The following NXPE2 variants were observed in gnomAD, a reference collection of about 807,000 sequenced individuals.
NXPE2 encodes neurexophilin and PC-esterase domain family member 2.
A neutral mutation model predicts 34.4 loss-of-function variants in NXPE2; 34 were observed. The ratio of observed to expected loss-of-function variants is 0.99; its 90% CI spans 0.75 to 1.31. The LOEUF is 1.31. Ranked by LOEUF, NXPE2 falls within the 40% of genes most tolerant of loss-of-function variation. NXPE2 has a pLI of 0.00. For synonymous variants in NXPE2, 235 were observed against 231.3 expected, an observed-to-expected ratio of 1.02 and a Z score of -0.15; for missense variants, 649 against 672.5, an observed-to-expected ratio of 0.97 and a Z score of 0.39.
At chr11:114,530,866 T>G in the NXPE2 span, 13 of 1,613,540 alleles carry the variant, frequency 8.1e-6, no homozygotes, top group Non-Finnish European at 1.1e-5. Flanking sequence ...GCGGAGTTGT[T>G]CCAGTAATGG....
chr11:114,538,124 A>G, the NXPE2 span, among the ~76,000 whole-genome samples: 34,249 of 151,698 alleles, frequency 0.23, 5,430 homozygotes, highest in African/African-American at 0.44. Flanking sequence ...AAATAATGCC[A>G]CATATCTACA....
At chr11:114,525,530 G>A in the NXPE2 span, among the ~76,000 whole-genome samples, 1 of 152,000 alleles carries the variant, frequency 6.6e-6, no homozygotes, top group African/African-American at 2.4e-5. Context: ...CCAAAGCAAG[G>A]TTGGGAAAAA....
the NXPE2 span, among the ~76,000 whole-genome samples, chr11:114,466,469 G>C: frequency 6.6e-6 from 1 of 151,998 alleles, no homozygotes; most frequent in African/African-American, 2.4e-5. Context: ...AGCAGCACTG[G>C]ATAATATTTA....
chr11:114,748,680 A>G, the NXPE2 span, among the ~76,000 whole-genome samples: 1 of 152,180 alleles, frequency 6.6e-6, no homozygotes, highest in East Asian at 1.9e-4. Context: ...TTCTTGTCAC[A>G]TGCCATTAGA....
chr11:114,580,923 G>C, the NXPE2 span, among the ~76,000 whole-genome samples: 1 of 152,250 alleles, frequency 6.6e-6, no homozygotes, highest in African/African-American at 2.4e-5. Context: ...CACAGGTTGA[G>C]GTAGCCACAA....
At chr11:114,614,136 TAATAA>T in the NXPE2 span, among the ~76,000 whole-genome samples, 2 of 151,910 alleles carry the variant, frequency 1.3e-5, no homozygotes, top group Middle Eastern at 3.4e-3. Flanking sequence ...ACCTGCTGGA[TAATAA>T]GTGCTGCCTC....
the NXPE2 span, among the ~76,000 whole-genome samples, chr11:114,763,403 A>G: frequency 2.0e-5 from 3 of 152,218 alleles, no homozygotes; most frequent in African/African-American, 7.2e-5. Context: ...CCAAAAGCAA[A>G]ACAAAACACC....
chr11:114,728,588 G>A, the NXPE2 span, among the ~76,000 whole-genome samples: 225 of 152,090 alleles, frequency 1.5e-3, 1 homozygote, highest in Non-Finnish European at 1.5e-3. Flanking sequence ...AAAACCCTAT[G>A]TCTTCCTGCT....
intron 2 of NXPE2, among the ~76,000 whole-genome samples, chr11:114,691,166 A>G (rs1375986523): frequency 6.6e-6 from 1 of 152,100 alleles, no homozygotes; most frequent in Non-Finnish European, 1.5e-5. Context: ...GTATTGCCAG[A>G]GTTCTTACAC....
chr11:114,813,123 C>T, the NXPE2 span, among the ~76,000 whole-genome samples: 1 of 152,182 alleles, frequency 6.6e-6, no homozygotes, highest in Non-Finnish European at 1.5e-5. Context: ...CTGCACTCAT[C>T]ACAGGAAAAC....
chr11:114,497,067 G>A, the NXPE2 span, among the ~76,000 whole-genome samples: 2 of 152,238 alleles, frequency 1.3e-5, no homozygotes, highest in East Asian at 3.9e-4. Context: ...GGCAGGTCCT[G>A]CAGGAGGTAT....
the NXPE2 span, among the ~76,000 whole-genome samples, chr11:114,577,161 C>CATATATAT: frequency 3.4e-4 from 46 of 134,572 alleles, no homozygotes; most frequent in African/African-American, 9.6e-4. Context: ...ATATATGTGT[C>CATATATAT]ATATATATAT....
the NXPE2 span, among the ~76,000 whole-genome samples, chr11:114,600,369 A>T: frequency 6.6e-6 from 1 of 152,174 alleles, no homozygotes; most frequent in Non-Finnish European, 1.5e-5. Context: ...ATAGTTATAC[A>T]TGAAATGACC....
At chr11:114,697,541 TAG>T (rs1281542801) in intron 2 of NXPE2, among the ~76,000 whole-genome samples, 1 of 152,166 alleles carries the variant, frequency 6.6e-6, no homozygotes, top group Non-Finnish European at 1.5e-5. Context: ...ATGAAACTAA[TAG>T]AGTCAGCAAA....
At chr11:114,751,758 A>G in the NXPE2 span, among the ~76,000 whole-genome samples, 1 of 152,180 alleles carries the variant, frequency 6.6e-6, no homozygotes, top group Non-Finnish European at 1.5e-5. Flanking sequence ...ATCAGTGACC[A>G]AATCTTGGTC....
At chr11:114,531,313 C>G in the NXPE2 span, among the ~76,000 whole-genome samples, 1 of 152,092 alleles carries the variant, frequency 6.6e-6, no homozygotes, top group Admixed American at 6.6e-5. Flanking sequence ...ATATGCCTTA[C>G]ATCCAGTAAC....
At chr11:114,547,838 C>T in the NXPE2 span, among the ~76,000 whole-genome samples, 54 of 152,072 alleles carry the variant, frequency 3.6e-4, no homozygotes, top group Admixed American at 3.5e-3. Flanking sequence ...ATATGGACTT[C>T]AAATTGTAAG....
At chr11:114,675,256 A>G (rs1712816), upstream of NXPE2, among the ~76,000 whole-genome samples, 1 of 151,552 alleles carries the variant, frequency 6.6e-6, no homozygotes, top group African/African-American at 2.4e-5. Flanking sequence ...GAGGAATAAG[A>G]GGATACCCAC....
the NXPE2 span, among the ~76,000 whole-genome samples, chr11:114,774,780 T>C: frequency 6.6e-6 from 1 of 152,244 alleles, no homozygotes; most frequent in Admixed American, 6.5e-5. Context: ...CTGCAAGGCG[T>C]GGAGAGAAGC....
Sources: gnomAD v4.1 joint callset for allele counts (sites outside exome capture counted in the v4.1 genomes callset) on GRCh38, gnomAD v4.1.1 for gene constraint, MANE v1.5 for transcripts, NCBI Gene and HGNC (gene_info 2026-07-23, HGNC 2026-07-21) for gene names.